RANBP10: variants seen among roughly 807,000 people sequenced by gnomAD.
The protein encoded by RANBP10 is RAN binding protein 10.
A neutral mutation model predicts 72.8 loss-of-function variants in RANBP10; 24 were observed. That is an observed-to-expected ratio of 0.33 (90% CI 0.24 to 0.46). The LOEUF is 0.46. Among genes scored for constraint, RANBP10 ranks in the 20% least tolerant of loss-of-function variants. RANBP10 has a pLI of 1.00. For synonymous variants in RANBP10, 310 were observed against 322.3 expected, an observed-to-expected ratio of 0.96 and a Z score of 0.41; for missense variants, 679 against 817.5, an observed-to-expected ratio of 0.83 and a Z score of 2.07.
chr16:67,776,801 A>G (rs1001673237), intron 2 of RANBP10, among the ~76,000 whole-genome samples: 43 of 151,978 alleles, frequency 2.8e-4, no homozygotes, highest in Non-Finnish European at 7.4e-5. Context: ...AAAAGAAAAA[A>G]AAAAAGAACT....
chr16:67,805,652 A>G (rs1162766093), intron 1 of RANBP10, 113 bp from the exon 2 acceptor site: 2 of 801,738 alleles, frequency 2.5e-6, no homozygotes, highest in Admixed American at 2.4e-5. Context: ...CAGAGGACGC[A>G]CTTACACAGG....
In RANBP10 at chr16:67,806,454, G is replaced by C. The variant is rs375154077; in HGVS notation, c.83C>G (p.Pro28Arg). 85 of 1,570,766 alleles carry C rather than the reference G, an allele frequency of 5.4e-5. No homozygotes were observed. Among genetic ancestry groups the C allele is most frequent in the Middle Eastern group, 1.8e-4 (1 of 5,542 alleles). The change falls in exon 1 of 14, where the codon CCG becomes CGG. Residue 28 changes from proline (P) to arginine (R), a missense_variant. Pro to Arg is a moderately radical substitution (Grantham distance 103). Transcript: ENST00000317506. ...SSGGGAGGGL[P>R]SPGEQELSRR... ...GCTCAGCTCCTGCTCCCCAGGGGAC[G>C]GCAGCCCGCCCCCAGCGCCCCCGCC... is the stretch of plus-strand genomic sequence containing the variant.
rs202050443 is a variant in RANBP10 at position 67,725,967 on chromosome 16, TA to T, written c.*460del. 0.025 allele frequency: 3,673 copies of T among 148,322 alleles called. 73 individuals carry two copies. The highest frequency in any genetic ancestry group is 0.12 in the Middle Eastern group (35 of 280). The allele number at this position is 148,322 out of a possible 1,614,324, so 9.2% of individuals were successfully genotyped here. On this transcript the variant is annotated 3_prime_UTR_variant, in exon 14 of 14. Transcript: ENST00000317506. The stretch of plus-strand genomic sequence containing the variant: ...ATACTGTCTTTTTTTTTAATATATA[TA>T]TTTTTATATATATATATATAATCTC...
chr16:67,781,912 C>T (rs916639767), intron 2 of RANBP10, among the ~76,000 whole-genome samples: 1 of 152,148 alleles, frequency 6.6e-6, no homozygotes, highest in Non-Finnish European at 1.5e-5. Flanking sequence ...CTCACAAATC[C>T]ACCCAGAAGC....
At chr16:67,792,609 C>T (rs1340909102) in intron 2 of RANBP10, among the ~76,000 whole-genome samples, 1 of 150,116 alleles carries the variant, frequency 6.7e-6, no homozygotes, top group African/African-American at 2.4e-5. Context: ...TATGGTGAAG[C>T]CCCATAAAAT....
chr16:67,745,811 G>C (rs1381910769), intron 3 of RANBP10, among the ~76,000 whole-genome samples: 1 of 151,934 alleles, frequency 6.6e-6, no homozygotes, highest in African/African-American at 2.4e-5. Context: ...CTTGAGGTCA[G>C]GAGGTCAAGA....
At chr16:67,776,949 C>T (rs1393255709) in intron 2 of RANBP10, among the ~76,000 whole-genome samples, 3 of 151,946 alleles carry the variant, frequency 2.0e-5, no homozygotes, top group African/African-American at 4.8e-5. Context: ...CGGTGGCTCA[C>T]GCCTGTAATC....
intron 2 of RANBP10, among the ~76,000 whole-genome samples, chr16:67,778,374 T>G (rs1460770585): frequency 2.0e-5 from 3 of 152,090 alleles, no homozygotes; most frequent in Non-Finnish European, 4.4e-5. Flanking sequence ...AGAAGTTTTT[T>G]GCTTATATTA....
intron 2 of RANBP10, among the ~76,000 whole-genome samples, chr16:67,787,756 C>T (rs1373067670): frequency 2.6e-5 from 4 of 151,984 alleles, no homozygotes. Flanking sequence ...AATCCCAGCA[C>T]GTTGGGAGGC....
At chr16:67,726,879 G>A (rs548106429) in intron 13 of RANBP10, among the ~76,000 whole-genome samples, 1 of 152,382 alleles carries the variant, frequency 6.6e-6, no homozygotes, top group East Asian at 1.9e-4. Context: ...TGAGTCACCA[G>A]AGAGGGCCTG....
At chr16:67,735,203 A>G (rs894249826) in intron 5 of RANBP10, among the ~76,000 whole-genome samples, 161 bp from the exon 6 acceptor site, 1 of 152,248 alleles carries the variant, frequency 6.6e-6, no homozygotes, top group Non-Finnish European at 1.5e-5. Flanking sequence ...TCCCTAGCAG[A>G]GACATTATGC....
At chr16:67,736,840 T>G (rs2053857406) in intron 5 of RANBP10, among the ~76,000 whole-genome samples, 1 of 151,962 alleles carries the variant, frequency 6.6e-6, no homozygotes, top group South Asian at 2.1e-4. Flanking sequence ...GGACTGGAGG[T>G]TTTAACAGGA....
At chr16:67,767,762 A>G (rs1452760611) in intron 3 of RANBP10, among the ~76,000 whole-genome samples, 1 of 151,594 alleles carries the variant, frequency 6.6e-6, no homozygotes, top group Admixed American at 6.6e-5. Context: ...GCGCCCGGCT[A>G]ATTTTTTGTA....
At chr16:67,767,454 C>CAA (rs1178049394) in intron 3 of RANBP10, among the ~76,000 whole-genome samples, 884 of 64,032 alleles carry the variant, frequency 0.014, 103 homozygotes, top group African/African-American at 0.034. Flanking sequence ...GACCCTGTTT[C>CAA]AAAAAAAAAA....
At chr16:67,788,860 T>G (rs2054971212) in intron 2 of RANBP10, among the ~76,000 whole-genome samples, 1 of 150,354 alleles carries the variant, frequency 6.7e-6, no homozygotes, top group Admixed American at 6.6e-5. Context: ...ATTAGCCAGG[T>G]GTGGTGGCAC....
chr16:67,801,603 G>C (rs1486216477), intron 2 of RANBP10, among the ~76,000 whole-genome samples: 1 of 152,130 alleles, frequency 6.6e-6, no homozygotes, highest in Admixed American at 6.6e-5. Flanking sequence ...AGGAAAGCTA[G>C]ACAACCAGTT....
At chr16:67,745,991 T>C in intron 3 of RANBP10, among the ~76,000 whole-genome samples, 3 of 151,820 alleles carry the variant, frequency 2.0e-5, no homozygotes, top group Non-Finnish European at 4.4e-5. Flanking sequence ...ATCCCGTCTC[T>C]ACTAAAAATA....
chr16:67,785,425 A>G, intron 2 of RANBP10, among the ~76,000 whole-genome samples: 1 of 151,974 alleles, frequency 6.6e-6, no homozygotes, highest in Non-Finnish European at 1.5e-5. Context: ...CTTAATTAAT[A>G]TTAAAACTTC....
chr16:67,744,019 A>T, intron 4 of RANBP10: 1 of 918,632 alleles, frequency 1.1e-6, no homozygotes, highest in South Asian at 5.0e-5. Flanking sequence ...CCTTGCTCCA[A>T]CAAGTGCCAC....
Sources: allele counts gnomAD v4.1 joint callset (sites outside exome capture counted in the v4.1 genomes callset), GRCh38; gene constraint gnomAD v4.1.1; transcripts MANE v1.5; gene names NCBI Gene and HGNC (gene_info 2026-07-23, HGNC 2026-07-21).